Variants in ADGRL3 observed in about 807,000 individuals in gnomAD.
The protein encoded by ADGRL3 is adhesion G protein-coupled receptor L3.
Under a neutral mutation model 153.5 loss-of-function variants are expected in ADGRL3, and 62 were observed. The ratio of observed to expected loss-of-function variants is 0.40; its 90% CI spans 0.33 to 0.50. The LOEUF is 0.50. Among genes scored for constraint, ADGRL3 ranks in the 20% least tolerant of loss-of-function variants. The pLI is 0.47. For missense variants in ADGRL3, 1,641 were observed against 1,859.4 expected, an observed-to-expected ratio of 0.88 and a Z score of 2.16; for synonymous variants, 710 against 672.5, an observed-to-expected ratio of 1.06 and a Z score of -0.86.
At chr4:61,339,883 C>T (rs952504710) in intron 1 of ADGRL3, among the ~76,000 whole-genome samples, 2 of 152,076 alleles carry the variant, frequency 1.3e-5, no homozygotes, top group African/African-American at 4.8e-5. Flanking sequence ...AGTCTGCTGC[C>T]AGCTGGCATA....
At chr4:61,363,892 G>C (rs2096340451) in intron 1 of ADGRL3, among the ~76,000 whole-genome samples, 1 of 150,590 alleles carries the variant, frequency 6.6e-6, no homozygotes, top group South Asian at 2.1e-4. Flanking sequence ...TAATCGAGCA[G>C]CCTGTGTCCA....
intron 6 of ADGRL3, among the ~76,000 whole-genome samples, chr4:61,688,896 G>A (rs924468863): frequency 6.6e-6 from 1 of 152,136 alleles, no homozygotes; most frequent in African/African-American, 2.4e-5. Context: ...CTTTTATGCA[G>A]TTGCTTTCTT....
chr4:62,049,565 A>G (rs1433124197), intron 25 of ADGRL3, among the ~76,000 whole-genome samples: 2 of 152,178 alleles, frequency 1.3e-5, no homozygotes, highest in African/African-American at 4.8e-5. Context: ...CTCAGTAAAT[A>G]TATGTAATTG....
At chr4:61,336,258 C>T (rs1295785728) in intron 1 of ADGRL3, among the ~76,000 whole-genome samples, 1 of 152,046 alleles carries the variant, frequency 6.6e-6, no homozygotes. Flanking sequence ...CCCCTGAAGC[C>T]TCTTGAAAAA....
intron 8 of ADGRL3, among the ~76,000 whole-genome samples, chr4:61,762,231 T>C (rs1466168120): frequency 2.6e-5 from 4 of 152,140 alleles, no homozygotes; most frequent in African/African-American, 9.7e-5. Context: ...ATTGACAAAT[T>C]TCTAGGAATT....
Position 61,463,606 on chromosome 4 carries a change from T to C in ADGRL3, c.-173-33515T>C, listed in dbSNP as rs144913221. On this transcript the variant is annotated intron_variant, in intron 2 of 26. Transcript: ENST00000683033. ...AGAGCCAAACCATATCACCTTAGTTTTTTCTTTTTTACATGCTAAATGTGG... is the reference window on the plus strand; with the variant it reads ...AGAGCCAAACCATATCACCTTAGTTCTTTCTTTTTTACATGCTAAATGTGG... Among the ~76,000 whole-genome samples the C allele has an allele frequency of 1.8e-4, 27 of 152,282 alleles. No homozygotes were observed. The East Asian group carries it at 5.2e-3, about 29-fold the overall frequency.
At chr4:61,749,526 A>G (rs1004204583) in intron 8 of ADGRL3, among the ~76,000 whole-genome samples, 5 of 152,276 alleles carry the variant, frequency 3.3e-5, no homozygotes, top group Admixed American at 6.5e-5. Flanking sequence ...ATACTATGCA[A>G]CCATAAAAAA....
chr4:62,048,973 C>T (rs1216718466), intron 25 of ADGRL3, among the ~76,000 whole-genome samples: 3 of 152,056 alleles, frequency 2.0e-5, no homozygotes, highest in Non-Finnish European at 4.4e-5. Context: ...TTTTTATTAA[C>T]TCTATGTAGA....
chr4:61,613,539 T>A (rs2091636419), intron 5 of ADGRL3, among the ~76,000 whole-genome samples: 2 of 152,038 alleles, frequency 1.3e-5, no homozygotes, highest in Non-Finnish European at 2.9e-5. Context: ...AGGTCAGGAG[T>A]TCGAGACCAG....
At chr4:61,263,170 T>C (rs977631798) in intron 1 of ADGRL3, among the ~76,000 whole-genome samples, 1 of 152,026 alleles carries the variant, frequency 6.6e-6, no homozygotes, top group African/African-American at 2.4e-5. Flanking sequence ...ATATTCAAAT[T>C]TACGTTTTGC....
Position 61,813,887 on chromosome 4 carries a change from A to C in ADGRL3, c.1478A>C (p.Lys493Thr). ...TCTGAGCTAGAAAGACCCTCTGTTA[A>C]AGGTGAGTTTTTCTTTATATGAAGA... is the stretch of plus-strand genomic sequence containing the variant. ...LDSELERPSV[K>T]DISTTGPLGM... The change falls in exon 9 of 27, where the codon AAA becomes ACA. Residue 493 changes from lysine to threonine, a missense_variant and splice_region_variant. Lys to Thr is a moderately conservative substitution (Grantham distance 78). This residue lies in a region of ADGRL3 where 734 missense variants were observed against 797.0 expected (regional missense o/e 0.92). Transcript: ENST00000683033. The C allele has an allele frequency of 6.2e-7, 1 of 1,605,666 alleles. No individual in the cohort carries two copies. Among genetic ancestry groups the C allele is most frequent in the Non-Finnish European group, 8.5e-7 (1 of 1,172,472 alleles).
At chr4:61,214,695 G>T (rs1577874887) in intron 1 of ADGRL3, among the ~76,000 whole-genome samples, 1 of 152,148 alleles carries the variant, frequency 6.6e-6, no homozygotes, top group East Asian at 1.9e-4. Context: ...CGGTACTTTG[G>T]GAGGCTGAGG....
chr4:61,257,031 A>T (rs1283795944), intron 1 of ADGRL3, among the ~76,000 whole-genome samples: 1 of 152,188 alleles, frequency 6.6e-6, no homozygotes, highest in Non-Finnish European at 1.5e-5. Context: ...TTCCCAGCTG[A>T]ACACAAAAGT....
At chr4:61,904,392 GCCCACT>G (rs774410544) in intron 11 of ADGRL3, among the ~76,000 whole-genome samples, 1 of 152,034 alleles carries the variant, frequency 6.6e-6, no homozygotes, top group Non-Finnish European at 1.5e-5. Context: ...CAAGTGATCT[GCCCACT>G]TCAGGCTCCC....
At chr4:61,593,288 A>C (rs2098976672) in intron 5 of ADGRL3, among the ~76,000 whole-genome samples, 1 of 152,176 alleles carries the variant, frequency 6.6e-6, no homozygotes, top group Non-Finnish European at 1.5e-5. Context: ...AAGCTTATAC[A>C]TCATAATTAC....
At chr4:61,608,484 A>T (rs1453803840) in intron 5 of ADGRL3, among the ~76,000 whole-genome samples, 2 of 152,240 alleles carry the variant, frequency 1.3e-5, no homozygotes, top group African/African-American at 4.8e-5. Context: ...GAATATTAGA[A>T]ATGCAAAAGG....
chr4:61,227,550 A>T (rs1748550808), intron 1 of ADGRL3, among the ~76,000 whole-genome samples: 1 of 152,080 alleles, frequency 6.6e-6, no homozygotes, highest in African/African-American at 2.4e-5. Context: ...GATCTCTGAG[A>T]GTTATATCAA....
At chr4:61,788,535 C>T (rs576679318) in intron 8 of ADGRL3, among the ~76,000 whole-genome samples, 1 of 152,158 alleles carries the variant, frequency 6.6e-6, no homozygotes, top group African/African-American at 2.4e-5. Context: ...ATCTGAACAG[C>T]AGCCCTTGAG....
intron 25 of ADGRL3, among the ~76,000 whole-genome samples, chr4:62,047,570 G>A (rs1731786257): frequency 6.6e-6 from 1 of 151,622 alleles, no homozygotes; most frequent in African/African-American, 2.4e-5. Context: ...ATTACTATTG[G>A]GATTTTACTC....
Sources: gnomAD v4.1 joint callset for allele counts (sites outside exome capture counted in the v4.1 genomes callset) on GRCh38, gnomAD v4.1.1 for gene constraint, gnomAD v4.1.1 regional missense constraint, MANE v1.5 for transcripts, NCBI Gene and HGNC (gene_info 2026-07-23, HGNC 2026-07-21) for gene names.